CFAP20DC: variants seen among roughly 807,000 people sequenced by gnomAD.
The protein encoded by CFAP20DC is CFAP20 domain containing, also known as protein CFAP20DC.
Under a neutral mutation model 101.7 loss-of-function variants are expected in CFAP20DC, and 84 were observed. The observed-to-expected ratio is 0.83, with a 90% CI of 0.69 to 0.99. The LOEUF is 0.99. Ranked by LOEUF, CFAP20DC falls within the 50% of genes least tolerant of loss-of-function variation. The pLI is 0.00. For synonymous variants in CFAP20DC, 359 were observed against 351.2 expected (o/e 1.02, Z -0.25); for missense variants, 1,007 against 970.3 (o/e 1.04, Z -0.50).
chr3:59,024,975 A>G (rs1429300563), intron 4 of CFAP20DC, among the ~76,000 whole-genome samples: 1 of 152,196 alleles, frequency 6.6e-6, no homozygotes, highest in Non-Finnish European at 1.5e-5. Flanking sequence ...AATTGTCTTC[A>G]ATCATCACTG....
At chr3:59,022,208 A>G (rs763263175) in intron 4 of CFAP20DC, among the ~76,000 whole-genome samples, 2 of 152,032 alleles carry the variant, frequency 1.3e-5, no homozygotes, top group African/African-American at 2.4e-5. Context: ...ACCTTTTTGC[A>G]ACTCAAGCAC....
intron 15 of CFAP20DC, among the ~76,000 whole-genome samples, chr3:58,774,555 T>C (rs1417835853): frequency 4.6e-5 from 7 of 152,244 alleles, no homozygotes; most frequent in Non-Finnish European, 7.4e-5. Flanking sequence ...CACAATAAAA[T>C]AGAAGCACAA....
intron 4 of CFAP20DC, among the ~76,000 whole-genome samples, chr3:58,941,327 CAAAAAAAAAAA>C (rs752324535): frequency 9.7e-4 from 19 of 19,510 alleles, no homozygotes; most frequent in African/African-American, 2.2e-3. Flanking sequence ...GACTCCGTCT[CAAAAAAAAAAA>C]AAAAAAAAAA....
chr3:58,958,386 A>G (rs2090834227), intron 4 of CFAP20DC, among the ~76,000 whole-genome samples: 1 of 152,220 alleles, frequency 6.6e-6, no homozygotes, highest in Non-Finnish European at 1.5e-5. Flanking sequence ...ATAGTATTCT[A>G]CTATATGGAT....
At chr3:59,031,900 G>A (rs1329528316) in intron 4 of CFAP20DC, among the ~76,000 whole-genome samples, 1 of 152,150 alleles carries the variant, frequency 6.6e-6, no homozygotes, top group Non-Finnish European at 1.5e-5. Context: ...TCAAGAGGTG[G>A]CTGGCAATAT....
Position 58,742,514 on chromosome 3 carries a change from A to T in CFAP20DC, c.2391T>A (p.Pro797=). 2.5e-6 allele frequency: 4 copies of T among 1,609,274 alleles called. No individual in the cohort carries two copies. Among genetic ancestry groups the T allele is most frequent in the Non-Finnish European group, 3.4e-6 (4 of 1,177,748 alleles). ...DEEVLTLLYD[P]CLNCYFDPQT... Reference sequence around the variant, plus strand: ...GGGGGTCAAAGTAACAGTTCAGACAAGGGTCATACAACAAAGTCAGTACTT... The same window carrying T: ...GGGGGTCAAAGTAACAGTTCAGACATGGGTCATACAACAAAGTCAGTACTT... The change falls in exon 17 of 17, where the codon CCT becomes CCA. Residue 797 remains proline, a synonymous_variant. Transcript: ENST00000482387.
intron 6 of CFAP20DC, among the ~76,000 whole-genome samples, chr3:58,898,166 GT>G (rs2082826185): frequency 6.8e-6 from 1 of 148,068 alleles, no homozygotes; most frequent in Non-Finnish European, 1.5e-5. Context: ...GGTCTATTCT[GT>G]TACTGATACT....
chr3:58,924,821 C>T (rs916140765), intron 5 of CFAP20DC, among the ~76,000 whole-genome samples: 7 of 151,734 alleles, frequency 4.6e-5, no homozygotes, highest in South Asian at 4.2e-4. Flanking sequence ...ATTTCTTTGA[C>T]GATTATTGAT....
chr3:58,746,546 G>T (rs1296053987), intron 16 of CFAP20DC, among the ~76,000 whole-genome samples: 1 of 152,072 alleles, frequency 6.6e-6, no homozygotes, highest in Non-Finnish European at 1.5e-5. Flanking sequence ...ATTTGCAAAG[G>T]GATCGAGGTA....
chr3:58,976,903 C>A (rs2092303735), intron 4 of CFAP20DC, among the ~76,000 whole-genome samples: 1 of 152,182 alleles, frequency 6.6e-6, no homozygotes, highest in Non-Finnish European at 1.5e-5. Flanking sequence ...GCTGATGGGA[C>A]AAGCTCTGGC....
chr3:58,945,035 C>T (rs1428786523), intron 4 of CFAP20DC, among the ~76,000 whole-genome samples: 1 of 152,116 alleles, frequency 6.6e-6, no homozygotes, highest in Non-Finnish European at 1.5e-5. Context: ...TCTCTATATG[C>T]CAACAATGTA....
rs1045442596 is a variant in CFAP20DC, at chr3:58,795,187, A to G, written c.2237+11208T>C. On this transcript the variant is annotated intron_variant, in intron 15 of 16. Coordinates refer to ENST00000482387, the MANE Select transcript of CFAP20DC (RefSeq NM_001394063.1). The surrounding 1 kb of genome is among the most constrained non-coding windows in gnomAD (Gnocchi z 4.2). ...AGCTGAATCTTTTAATTAAAAGCTG[A>G]AACTATAAAACATTAGAATGGTAAA... Among the ~76,000 whole-genome samples the G allele has an allele frequency of 6.6e-6, 1 of 152,182 alleles. No individual in the cohort carries two copies. Among genetic ancestry groups the G allele is most frequent in the Admixed American group, 6.5e-5 (1 of 15,284 alleles).
chr3:58,875,694 A>G (rs1193626295), intron 7 of CFAP20DC, among the ~76,000 whole-genome samples: 1 of 152,190 alleles, frequency 6.6e-6, no homozygotes, highest in East Asian at 1.9e-4. Context: ...CACAGTAGGT[A>G]CCTCCATCAG....
chr3:58,832,367 C>G (rs865893612), intron 13 of CFAP20DC, among the ~76,000 whole-genome samples: 1 of 152,164 alleles, frequency 6.6e-6, no homozygotes, highest in Non-Finnish European at 1.5e-5. Context: ...CGGCAAGCAC[C>G]ATGACTGTTT....
intron 7 of CFAP20DC, among the ~76,000 whole-genome samples, chr3:58,878,079 T>C (rs544638467): frequency 3.3e-5 from 5 of 152,310 alleles, no homozygotes; most frequent in African/African-American, 1.2e-4. Flanking sequence ...AAGCCCAATG[T>C]AAACTATTTT....
At chr3:58,784,768 CTT>C (rs1425043197) in intron 15 of CFAP20DC, among the ~76,000 whole-genome samples, 4 of 152,034 alleles carry the variant, frequency 2.6e-5, no homozygotes, top group Non-Finnish European at 5.9e-5. Context: ...GCTGAACTAA[CTT>C]ATATTCCCAC....
chr3:58,787,055 G>A (rs546190188), intron 15 of CFAP20DC, among the ~76,000 whole-genome samples: 7 of 151,582 alleles, frequency 4.6e-5, no homozygotes, highest in African/African-American at 1.7e-4. Context: ...AATATACAAA[G>A]AAAGAATATT....
chr3:59,026,685 CTTAGT>C (rs1204686440), intron 4 of CFAP20DC, among the ~76,000 whole-genome samples: 7 of 152,134 alleles, frequency 4.6e-5, no homozygotes, highest in Admixed American at 1.3e-4. Context: ...ATTCACTTTA[CTTAGT>C]TTAAAGTTTC....
downstream of CFAP20DC, among the ~76,000 whole-genome samples, chr3:58,716,522 A>G (rs1026382954): frequency 6.6e-6 from 1 of 152,136 alleles, no homozygotes; most frequent in Admixed American, 6.5e-5. Flanking sequence ...GCATGGTAAC[A>G]TGGTGGCCTG....
Sources: gnomAD v4.1 joint callset for allele counts (sites outside exome capture counted in the v4.1 genomes callset) on GRCh38, gnomAD v4.1.1 for gene constraint, Gnocchi (gnomAD v3.1) non-coding constraint, MANE v1.5 for transcripts, NCBI Gene and HGNC (gene_info 2026-07-23, HGNC 2026-07-21) for gene names.